Variants in TRO observed in about 807,000 individuals in gnomAD.
TRO encodes the protein MAGE superfamily protein.
In TRO, 29 loss-of-function variants were observed where a neutral mutation model predicts 42.3. That is an observed-to-expected ratio of 0.68 (90% confidence interval 0.51 to 0.93). The LOEUF is 0.93. TRO is among the 40% of genes least tolerant of loss of function. The probability of loss-of-function intolerance (pLI) is 0.00; values close to 1 mark genes in which losing one functional copy is unlikely to be tolerated. For missense variants in TRO, 963 were observed against 1,127.7 expected, an observed-to-expected ratio of 0.85 and a Z score of 2.09; for synonymous variants, 384 against 425.2, an observed-to-expected ratio of 0.90 and a Z score of 1.19.
rs996369164 is a variant in TRO at position 54,928,988 on chromosome X, C to T, written c.2264C>T (p.Pro755Leu). 11 of 1,210,767 alleles carry T rather than the reference C, an allele frequency of 9.1e-6. No homozygotes were observed. The Admixed American group carries it at 2.4e-4, about 26-fold the overall frequency. Residue 755 changes from proline (P) to leucine (L), a missense_variant, in exon 12 of 13, where the codon CCT (proline) becomes CTT (leucine). Physicochemically the swap from Pro to Leu is moderately conservative, Grantham distance 98 (BLOSUM62 -3). Around this residue, in one of 2 missense-constraint regions of TRO, gnomAD observed 641 missense variants for 811.3 expected, o/e 0.79. Coordinates refer to ENST00000173898, the MANE Select transcript of TRO (RefSeq NM_001039705.3). Reference sequence around the variant, plus strand: ...TCCAGTGGTGGCTTCAGTGGTGGACCTGGCATTACCTTTGGTGTTGCACCC... The same window carrying T: ...TCCAGTGGTGGCTTCAGTGGTGGACTTGGCATTACCTTTGGTGTTGCACCC... ...PSSSGGFSGG[P>L]GITFGVAPST...
chrX:54,921,198 TAC>T (rs1296339618), intron 1 of TRO: 1 of 109,913 alleles, frequency 9.1e-6, no homozygotes, highest in African/African-American at 3.3e-5. Context: ...GGGAGGAGGA[TAC>T]ACACAGTTCG....
chrX:54,930,719 G>C lies in TRO; in HGVS notation c.3995G>C (p.Ser1332Thr). 1 of 1,212,250 alleles carries C rather than the reference G, an allele frequency of 8.2e-7. No individual in the cohort carries two copies. Among genetic ancestry groups the C allele is most frequent in the Non-Finnish European group, 1.1e-6 (1 of 895,620 alleles). The change falls in exon 12 of 13, where the codon AGT becomes ACT. Residue 1332 changes from serine (S) to threonine (T), a missense_variant. By Grantham distance (58) the Ser-to-Thr change is moderately conservative. Around this residue, in one of 2 missense-constraint regions of TRO, gnomAD observed 641 missense variants for 811.3 expected, o/e 0.79. Transcript: ENST00000173898. ...AATGCCAGCTTCGACAGAGGACTGA[G>C]TACCATCATTGGCTTTGGCAGTGGT... Reference protein sequence around the residue: ...RPNASFDRGLSTIIGFGSGSN... With the variant: ...RPNASFDRGLTTIIGFGSGSN...
rs1418077206 is a variant in TRO at position 54,927,749 on chromosome X, A to G, written c.1846A>G (p.Ser616Gly). ...GGGCTTGCGCTCCTACCACGAGACT[A>G]GCAAGATGAAAGTCCTCAAGTTTGC... is the stretch of plus-strand genomic sequence containing the variant. ...FWGLRSYHET[S>G]KMKVLKFACR... is the part of the protein sequence containing the mutation. Residue 616 changes from serine (S) to glycine (G), a missense_variant, in exon 11 of 13, where the codon AGC (serine) becomes GGC (glycine). Coordinates refer to ENST00000173898, the MANE Select transcript of TRO (RefSeq NM_001039705.3). The G allele has an allele frequency of 8.3e-7, 1 of 1,209,775 alleles. No individual in the cohort carries two copies. The highest frequency in any genetic ancestry group is 1.7e-5 in the African/African-American group (1 of 57,148).
intron 2 of TRO, 36 bp from the exon 3 acceptor site, chrX:54,922,542 C>T: frequency 8.6e-7 from 1 of 1,160,436 alleles, no homozygotes; most frequent in Non-Finnish European, 1.2e-6. Flanking sequence ...TTAGCGAGGC[C>T]AAATGGCCCA....
In TRO at chrX:54,930,959, C is replaced by T. The variant is rs1427715598; in HGVS notation, c.4235C>T (p.Thr1412Ile). 1.7e-6 allele frequency: 2 copies of T among 1,206,700 alleles called. No homozygotes were observed. The highest frequency in any genetic ancestry group is 3.5e-5 in the African/African-American group (2 of 57,763). The stretch of plus-strand genomic sequence containing the variant: ...GCTGGCTTTGGTGGTGGACCGAGCA[C>T]CAGTGCTGGCTTTGGCAGTGGAGCC... ...TGAGFGGGPS[T>I]SAGFGSGAAS... The change falls in exon 12 of 13, where the codon ACC (threonine) becomes ATC (isoleucine). Residue 1412 changes from threonine (T) to isoleucine (I), a missense_variant. Around this residue, in one of 2 missense-constraint regions of TRO, gnomAD observed 641 missense variants for 811.3 expected, o/e 0.79. Coordinates refer to ENST00000173898, the MANE Select transcript of TRO (RefSeq NM_001039705.3).
At chrX:54,927,281 G>T in intron 10 of TRO, 176 bp downstream of exon 10, 1 of 552,164 alleles carries the variant, frequency 1.8e-6, no homozygotes, top group South Asian at 2.9e-5. Context: ...GACTGGGCCA[G>T]ACTCAACACA....
In TRO at chrX:54,929,638, G is replaced by A. The variant is rs1176069364; in HGVS notation, c.2914G>A (p.Ala972Thr). ...CAGCACTGGTGCTGGCTTTGGTGGT[G>A]CTCTCAACACCAGTGCCAGCTTTGG... is the stretch of plus-strand genomic sequence containing the variant. Reference protein sequence around the residue: ...SPSTGAGFGGALNTSASFGSV... With the variant: ...SPSTGAGFGGTLNTSASFGSV... Residue 972 changes from alanine to threonine, a missense_variant, in exon 12 of 13, where the codon GCT (alanine) becomes ACT (threonine). Around this residue, in one of 2 missense-constraint regions of TRO, gnomAD observed 641 missense variants for 811.3 expected, o/e 0.79. Transcript: ENST00000173898. The A allele has an allele frequency of 1.7e-6, 2 of 1,211,105 alleles. No homozygotes were observed. Among genetic ancestry groups the A allele is most frequent in the South Asian group, 1.8e-5 (1 of 56,903 alleles).
rs1051554056 is a variant in TRO, at chrX:54,923,554, C to T, written c.1022C>T (p.Ser341Phe). The T allele has an allele frequency of 5.0e-6, 6 of 1,191,705 alleles. No individual in the cohort carries two copies. The highest frequency in any genetic ancestry group is 1.8e-5 in the African/African-American group (1 of 57,028). ...LAATLRVKRG[S>F]RARKAATKAR... ...GCCACCCTGCGGGTCAAGAGAGGGT[C>T]TAGGGCTCGGAAGGCTGCCACTAAG... Residue 341 changes from serine (S) to phenylalanine (F), a missense_variant, in exon 3 of 13, where the codon TCT (serine) becomes TTT (phenylalanine). Transcript: ENST00000173898.
intron 5 of TRO, 119 bp downstream of exon 5, chrX:54,924,852 T>C: frequency 1.0e-6 from 1 of 969,621 alleles, no homozygotes; most frequent in South Asian, 2.2e-5. Context: ...CTGCCCTCCT[T>C]GCACTCTGCC....
chrX:54,928,838 T>A lies in TRO; in HGVS notation c.2114T>A (p.Phe705Tyr). Reference protein sequence around the residue: ...DDAQAWSRFSFEIEARAQENA... With the variant: ...DDAQAWSRFSYEIEARAQENA... ...GCTCAGGCCTGGAGCAGATTTTCAT[T>A]TGAAATTGAGGCCAGAGCCCAAGAA... The change falls in exon 12 of 13, where the codon TTT (phenylalanine) becomes TAT (tyrosine). Residue 705 changes from phenylalanine to tyrosine, a missense_variant. By Grantham distance (22) the Phe-to-Tyr change is conservative. Coordinates refer to ENST00000173898, the MANE Select transcript of TRO (RefSeq NM_001039705.3). 1 of 1,211,405 alleles carries A rather than the reference T, an allele frequency of 8.3e-7. No homozygotes were observed. The highest frequency in any genetic ancestry group is 1.1e-6 in the Non-Finnish European group (1 of 895,387).
In TRO at chrX:54,929,017, A is replaced by C; in HGVS notation, c.2293A>C (p.Thr765Pro). ...PGITFGVAPS[T>P]SASFSNTASI... ...CATTACCTTTGGTGTTGCACCCAGC[A>C]CCAGTGCCAGCTTCAGCAATACAGC... The change falls in exon 12 of 13, where the codon ACC becomes CCC. Residue 765 changes from threonine (T) to proline (P), a missense_variant. Thr to Pro is a conservative substitution (Grantham distance 38, BLOSUM62 -1). Around this residue, in one of 2 missense-constraint regions of TRO, gnomAD observed 641 missense variants for 811.3 expected, o/e 0.79. Coordinates refer to ENST00000173898, the MANE Select transcript of TRO (RefSeq NM_001039705.3). 1 of 1,212,186 alleles carries C rather than the reference A, an allele frequency of 8.2e-7. No individual in the cohort carries two copies. The highest frequency in any genetic ancestry group is 1.1e-6 in the Non-Finnish European group (1 of 895,603).
chrX:54,930,444 T>C lies in TRO; in HGVS notation c.3720T>C (p.Asp1240=), dbSNP rs1169513866. Residue 1240 remains aspartate (D), a synonymous_variant, in exon 12 of 13, where the codon GAT becomes GAC. Coordinates refer to ENST00000173898, the MANE Select transcript of TRO (RefSeq NM_001039705.3). ...SGGLSTSSGF[D]GGLGTSAGFG... is the part of the protein sequence containing the mutation. ...GCCTAAGCACAAGTTCTGGCTTTGA[T>C]GGTGGGCTAGGTACCAGCGCTGGCT... 8.3e-7 allele frequency: 1 copy of C among 1,206,127 alleles called. No individual in the cohort carries two copies. The highest frequency in any genetic ancestry group is 1.8e-5 in the African/African-American group (1 of 55,936).
intron 1 of TRO, chrX:54,921,858 T>G: frequency 6.9e-6 from 1 of 145,264 alleles, no homozygotes; most frequent in Non-Finnish European, 1.3e-5. Context: ...GGGATTGAGC[T>G]GGTTAGAAAC....
rs142216022 is a variant in TRO, at chrX:54,927,847, A to G, written c.1878+66A>G. The G allele has an allele frequency of 2.2e-3, 2,033 of 909,459 alleles. 1 individual carries two copies. The highest frequency in any genetic ancestry group is 5.4e-3 in the South Asian group (239 of 44,226). The allele number at this position is 909,459 out of a possible 1,213,427, so 74.9% of individuals were successfully genotyped here. A position where few individuals can be genotyped will look rare whatever the true frequency, so the allele number is the denominator to read the frequency against. ...GGGATACCCTTGGCTGGGGCAGGCA[A>G]TGCACAGGGATGGGCAGGTACAGAG... On this transcript the variant is annotated intron_variant, in intron 11 of 12. Transcript: ENST00000173898.
At position 54,923,173 on chromosome X, in the gene TRO, A is replaced by G. The variant is rs1487945915; in HGVS notation, c.641A>G (p.Lys214Arg). The change falls in exon 3 of 13, where the codon AAG (lysine) becomes AGG (arginine). Residue 214 changes from lysine to arginine, a missense_variant. Lys to Arg is a conservative substitution (Grantham distance 26). Transcript: ENST00000173898. ...KASKAKKAAN[K>R]AIASATEVSL... ...TCCAAGGCTAAGAAGGCTGCAAATA[A>G]GGCCATAGCTAGTGCCACCGAGGTC... The G allele has an allele frequency of 4.1e-6, 5 of 1,209,640 alleles. 1 individual carries two copies. The Admixed American group carries it at 1.1e-4, about 26-fold the overall frequency.
At position 54,922,386 on chromosome X, in the gene TRO, C is replaced by T. The variant is rs765888332; in HGVS notation, c.45+95C>T. On this transcript the variant is annotated intron_variant, in intron 2 of 12. Coordinates refer to ENST00000173898, the MANE Select transcript of TRO (RefSeq NM_001039705.3). ...CTTCCACCGTGTAGTTTCATAATTC[C>T]CTGCCTAACTCGTCTCAGTCCTCCC... The T allele has an allele frequency of 1.6e-3, 1,685 of 1,039,509 alleles. 1 individual carries two copies. The highest frequency in any genetic ancestry group is 2.0e-3 in the Non-Finnish European group (1,517 of 762,319). The allele number at this position is 1,039,509 out of a possible 1,213,427, so 85.7% of individuals were successfully genotyped here.
In TRO at chrX:54,923,399, G is replaced by A. The variant is rs1416299539; in HGVS notation, c.867G>A (p.Glu289=). 3 of 1,202,141 alleles carry A rather than the reference G, an allele frequency of 2.5e-6. No individual in the cohort carries two copies. Among genetic ancestry groups the A allele is most frequent in the Non-Finnish European group, 3.4e-6 (3 of 890,296 alleles). Residue 289 remains glutamate, a synonymous_variant, in exon 3 of 13, where the codon GAG becomes GAA. Coordinates refer to ENST00000173898, the MANE Select transcript of TRO (RefSeq NM_001039705.3). ...NVTDAATRQI[E]ASVVAIRPKK... is the part of the protein sequence containing the mutation. Reference sequence around the variant, plus strand: ...CTGACGCAGCTACCAGGCAGATTGAGGCCTCAGTAGTGGCTATCAGGCCCA... The same window carrying A: ...CTGACGCAGCTACCAGGCAGATTGAAGCCTCAGTAGTGGCTATCAGGCCCA...
chrX:54,923,521 C>T lies in TRO; in HGVS notation c.989C>T (p.Ala330Val). The change falls in exon 3 of 13, where the codon GCC (alanine) becomes GTC (valine). Residue 330 changes from alanine (A) to valine (V), a missense_variant. Physicochemically the swap from Ala to Val is moderately conservative, Grantham distance 64 (BLOSUM62 0). Coordinates refer to ENST00000173898, the MANE Select transcript of TRO (RefSeq NM_001039705.3). ...PLATQIVTNQ[A>V]LAATLRVKRG... ...GCCACTCAGATAGTCACAAACCAAGCCCTGGCAGCCACCCTGCGGGTCAAG... is the reference window on the plus strand; with the variant it reads ...GCCACTCAGATAGTCACAAACCAAGTCCTGGCAGCCACCCTGCGGGTCAAG... 1 of 1,186,842 alleles carries T rather than the reference C, an allele frequency of 8.4e-7. No individual in the cohort carries two copies. The highest frequency in any genetic ancestry group is 1.1e-6 in the Non-Finnish European group (1 of 881,958).
Position 54,929,750 on chromosome X carries a change from T to G in TRO, c.3026T>G (p.Phe1009Cys). 1 of 1,212,071 alleles carries G rather than the reference T, an allele frequency of 8.3e-7. No individual in the cohort carries two copies. Among genetic ancestry groups the G allele is most frequent in the Non-Finnish European group, 1.1e-6 (1 of 895,544 alleles). The change falls in exon 12 of 13, where the codon TTT (phenylalanine) becomes TGT (cysteine). Residue 1009 changes from phenylalanine to cysteine, a missense_variant. Transcript: ENST00000173898. ...FGGTLSTSVC[F>C]GGSPGTSVSF... ...GGTACACTAAGCACCAGTGTCTGCTTTGGTGGCTCTCCTGGCACCAGTGTC... is the reference window on the plus strand; with the variant it reads ...GGTACACTAAGCACCAGTGTCTGCTGTGGTGGCTCTCCTGGCACCAGTGTC...
Sources: allele counts gnomAD v4.1 joint callset, GRCh38; gene constraint gnomAD v4.1.1; regional missense constraint gnomAD v4.1.1; transcripts MANE v1.5; gene names NCBI Gene and HGNC (gene_info 2026-07-23, HGNC 2026-07-21).